APOL2: variants seen among roughly 807,000 people sequenced by gnomAD.
APOL2 encodes the protein apolipoprotein L2.
Under a neutral mutation model 7.1 loss-of-function variants are expected in APOL2, and 8 were observed. The observed-to-expected ratio is 1.12, with a 90% CI of 0.66 to 2.03. APOL2 has a LOEUF of 2.03. APOL2 is among the 30% of genes most tolerant of loss of function. APOL2 has a pLI of 0.00. For missense variants in APOL2, 471 were observed against 415.1 expected (o/e 1.13, Z -1.17); for synonymous variants, 177 against 159.9 (o/e 1.11, Z -0.81).
chr22:36,228,806 T>C (rs1352932766), intron 4 of APOL2, among the ~76,000 whole-genome samples: 1 of 152,146 alleles, frequency 6.6e-6, no homozygotes, highest in East Asian at 1.9e-4. Context: ...AGTATAGCGA[T>C]GTGATGGATG....
At chr22:36,239,767 T>G, upstream of APOL2, 4 of 499,950 alleles carry the variant, frequency 8.0e-6, no homozygotes, top group East Asian at 1.4e-4. Context: ...GTCTGCTGTG[T>G]CAGCTGCCCA....
rs563618652 is a variant in APOL2, at chr22:36,238,641, A to G, written c.-134+800T>C. Among the ~76,000 whole-genome samples the G allele has an allele frequency of 4.6e-5, 7 of 152,270 alleles. No individual in the cohort carries two copies. In the South Asian group the frequency reaches 1.2e-3, roughly 27 times the overall value. On this transcript the variant is annotated intron_variant, in intron 1 of 4. Transcript: ENST00000358502. ...CTCCTGTAGTTATACTCACAATTCCACAGTGTGGCTTTTGAATCTCATGAT... is the reference window on the plus strand; with the variant it reads ...CTCCTGTAGTTATACTCACAATTCCGCAGTGTGGCTTTTGAATCTCATGAT...
intron 1 of APOL2, among the ~76,000 whole-genome samples, chr22:36,236,191 A>G (rs1334860694): frequency 6.6e-6 from 1 of 152,260 alleles, no homozygotes; most frequent in Non-Finnish European, 1.5e-5. Context: ...ATTGATTTTT[A>G]ACTTTGAGAA....
upstream of APOL2, chr22:36,239,549 T>C: frequency 2.6e-6 from 4 of 1,558,104 alleles, no homozygotes; most frequent in Non-Finnish European, 3.5e-6. Flanking sequence ...TCCTCCGGCC[T>C]CCCAGATATA....
intron 4 of APOL2, 39 bp downstream of exon 4, chr22:36,231,301 C>T (rs375496349): frequency 5.6e-6 from 9 of 1,605,282 alleles, no homozygotes; most frequent in Admixed American, 1.7e-5. Context: ...TGAGTGGCAT[C>T]GCTGGGGCGC....
At chr22:36,239,373 G>T in intron 1 of APOL2, 68 bp downstream of exon 1, 1 of 1,447,342 alleles carries the variant, frequency 6.9e-7, no homozygotes, top group Non-Finnish European at 9.3e-7. Flanking sequence ...AAAGCTGAAT[G>T]ATCCTTCCCT....
intron 1 of APOL2, among the ~76,000 whole-genome samples, chr22:36,234,809 T>C (rs2015344003): frequency 6.6e-6 from 1 of 152,166 alleles, no homozygotes; most frequent in African/African-American, 2.4e-5. Flanking sequence ...GTGTGTACCA[T>C]TGGTATTTCC....
chr22:36,237,815 C>A (rs112266636), intron 1 of APOL2, among the ~76,000 whole-genome samples: 4,818 of 152,260 alleles, frequency 0.032, 167 homozygotes, highest in Admixed American at 0.086. Context: ...CCGCTCCCTG[C>A]CACCACAGTC....
At chr22:36,231,593 C>T (rs1431080821) in intron 3 of APOL2, 127 bp from the exon 4 acceptor site, 16 of 1,187,140 alleles carry the variant, frequency 1.3e-5, no homozygotes, top group Non-Finnish European at 1.8e-5. Flanking sequence ...TTGATGGAGT[C>T]ATCAGTGCTA....
At position 36,232,426 on chromosome 22, in the gene APOL2, T is replaced by A. The variant is rs183635919; in HGVS notation, c.10+727A>T. On this transcript the variant is annotated intron_variant, in intron 3 of 4. Coordinates refer to ENST00000358502, the MANE Select transcript of APOL2 (RefSeq NM_030882.4). ...GGGACTGGGTGGCTTCCACCTGGAATCAACAGGGGATAGATAGAGGAGATA... is the reference window on the plus strand; with the variant it reads ...GGGACTGGGTGGCTTCCACCTGGAAACAACAGGGGATAGATAGAGGAGATA... 3.3e-3 allele frequency among the ~76,000 whole-genome samples: 500 copies of A among 152,286 alleles called. 7 individuals carry two copies. Among genetic ancestry groups the A allele is most frequent in the Admixed American group, 0.028 (424 of 15,294 alleles).
intron 1 of APOL2, chr22:36,237,149 C>T (rs1445897355): frequency 1.8e-5 from 28 of 1,524,454 alleles, no homozygotes; most frequent in Non-Finnish European, 2.5e-5. Flanking sequence ...GGAGCCTCTG[C>T]TGGGGGTTGA....
At chr22:36,229,585 C>A (rs1185556657) in intron 4 of APOL2, among the ~76,000 whole-genome samples, 3 of 152,190 alleles carry the variant, frequency 2.0e-5, no homozygotes, top group Admixed American at 6.5e-5. Context: ...AATCTGTGTT[C>A]TTTCCCTGTG....
rs1448473022 is a variant in APOL2, at chr22:36,227,949, C to T, written c.469G>A (p.Ala157Thr). 4 of 1,614,234 alleles carry T rather than the reference C, an allele frequency of 2.5e-6. No individual in the cohort carries two copies. The highest frequency in any genetic ancestry group is 1.1e-5 in the South Asian group (1 of 91,090). ...GTAATCCCAGCCACAGCAGCTGCTG[C>T]TCCCAGACCCATGCCAGTGTCCAAG... is the stretch of plus-strand genomic sequence containing the variant. ...VLLDTGMGLG[A>T]AAAVAGITCS... Residue 157 changes from alanine (A) to threonine (T), a missense_variant, in exon 5 of 5, where the codon GCA (alanine) becomes ACA (threonine). Ala to Thr is a moderately conservative substitution (Grantham distance 58, BLOSUM62 0). Coordinates refer to ENST00000358502, the MANE Select transcript of APOL2 (RefSeq NM_030882.4).
rs1208144127 is a variant in APOL2, at chr22:36,227,720, T to G, written c.698A>C (p.Asn233Thr). 1 of 1,614,186 alleles carries G rather than the reference T, an allele frequency of 6.2e-7. No homozygotes were observed. The highest frequency in any genetic ancestry group is 1.7e-5 in the Admixed American group (1 of 60,026). ...NIRAIRRARA[N>T]PQLGAYAPPP... is the part of the protein sequence containing the mutation. The stretch of plus-strand genomic sequence containing the variant: ...TGGGGCATACGCTCCTAACTGAGGG[T>G]TGGCTCTGGCTCGTCTGATGGCACG... Residue 233 changes from asparagine to threonine, a missense_variant, in exon 5 of 5, where the codon AAC becomes ACC. Asn to Thr is a moderately conservative substitution (Grantham distance 65). Coordinates refer to ENST00000358502, the MANE Select transcript of APOL2 (RefSeq NM_030882.4).
intron 1 of APOL2, 80 bp from the exon 2 acceptor site, chr22:36,233,535 G>A (rs1050990892): frequency 5.0e-5 from 64 of 1,275,174 alleles, no homozygotes; most frequent in Admixed American, 1.6e-4. Flanking sequence ...CTATACACAG[G>A]AATAGAGATG....
rs191752536 is a variant in APOL2 at position 36,232,957 on chromosome 22, C to A, written c.10+196G>T. Among the ~76,000 whole-genome samples, 557 of 152,096 alleles carry A rather than the reference C, an allele frequency of 3.7e-3. 3 individuals are homozygous for A. The highest frequency in any genetic ancestry group is 6.0e-3 in the Non-Finnish European group (409 of 67,972). Reference sequence around the variant, plus strand: ...AGTGGGCACCTGGGCCGTGTCACCCCGAGGAGAGGTCAGGATGCAGATGAC... The same window carrying A: ...AGTGGGCACCTGGGCCGTGTCACCCAGAGGAGAGGTCAGGATGCAGATGAC... On this transcript the variant is annotated intron_variant, in intron 3 of 4. Coordinates refer to ENST00000358502, the MANE Select transcript of APOL2 (RefSeq NM_030882.4).
intron 3 of APOL2, 97 bp downstream of exon 3, chr22:36,233,056 C>T: frequency 4.8e-6 from 6 of 1,256,428 alleles, no homozygotes; most frequent in Non-Finnish European, 7.0e-6. Context: ...GCCTCCTAGT[C>T]CATCTGGGTT....
intron 1 of APOL2, among the ~76,000 whole-genome samples, chr22:36,235,670 A>T (rs1351458598): frequency 6.6e-6 from 1 of 151,996 alleles, no homozygotes; most frequent in East Asian, 1.9e-4. Context: ...TGGGGAATAG[A>T]AAAGTTACCA....
chr22:36,231,331 G>T lies in APOL2; in HGVS notation c.137+9C>A. On this transcript the variant is annotated intron_variant, in intron 4 of 4. Transcript: ENST00000358502. ...GGGCGCCCCATGGAGTTAACCCCATGGAGCTTACCTGGGCAGTTCAGCAGC... is the reference window on the plus strand; with the variant it reads ...GGGCGCCCCATGGAGTTAACCCCATTGAGCTTACCTGGGCAGTTCAGCAGC... 1 of 1,613,774 alleles carries T rather than the reference G, an allele frequency of 6.2e-7. No individual in the cohort carries two copies. The highest frequency in any genetic ancestry group is 8.5e-7 in the Non-Finnish European group (1 of 1,179,698).
Sources: gnomAD v4.1 joint callset for allele counts (sites outside exome capture counted in the v4.1 genomes callset) on GRCh38, gnomAD v4.1.1 for gene constraint, MANE v1.5 for transcripts, NCBI Gene and HGNC (gene_info 2026-07-23, HGNC 2026-07-21) for gene names.